The following EDIL3 variants were observed in gnomAD, a reference collection of about 807,000 sequenced individuals.
EDIL3 encodes EGF-like repeat and discoidin I-like domain-containing protein 3.
Under a neutral mutation model 67.4 loss-of-function variants are expected in EDIL3, and 37 were observed. The observed-to-expected ratio is 0.55, with a 90% CI of 0.42 to 0.72. The LOEUF (loss-of-function observed/expected upper bound fraction) is 0.72. EDIL3 is among the 30% of genes least tolerant of loss of function. The pLI is 0.00. For missense variants in EDIL3, 527 were observed against 586.3 expected (o/e 0.90, Z 1.04); for synonymous variants, 195 against 196.3 (o/e 0.99, Z 0.05).
chr5:83,998,129 C>A (rs981318200), intron 9 of EDIL3, among the ~76,000 whole-genome samples: 1 of 152,304 alleles, frequency 6.6e-6, no homozygotes, highest in East Asian at 1.9e-4. Context: ...ATGGGGCACA[C>A]ACGGCCCAGT....
At chr5:84,272,177 C>G (rs1192194575) in intron 1 of EDIL3, among the ~76,000 whole-genome samples, 1 of 151,976 alleles carries the variant, frequency 6.6e-6, no homozygotes, top group East Asian at 1.9e-4. Flanking sequence ...ATTTTTGAAT[C>G]TAAACATAGT....
intron 2 of EDIL3, among the ~76,000 whole-genome samples, chr5:84,231,370 T>C (rs1466701723): frequency 6.6e-6 from 1 of 152,246 alleles, no homozygotes; most frequent in Admixed American, 6.5e-5. Context: ...ATTTCTGCTC[T>C]GTACAGAACT....
intron 5 of EDIL3, among the ~76,000 whole-genome samples, chr5:84,122,027 A>G (rs953402468): frequency 2.6e-5 from 4 of 151,950 alleles, no homozygotes; most frequent in Admixed American, 2.6e-4. Flanking sequence ...AGGCAAACAT[A>G]ACAGACAGTA....
intron 6 of EDIL3, among the ~76,000 whole-genome samples, chr5:84,091,702 C>T (rs949538062): frequency 3.9e-5 from 6 of 152,170 alleles, no homozygotes; most frequent in Non-Finnish European, 8.8e-5. Flanking sequence ...GAAGAGACAA[C>T]GAAACCTTTA....
At chr5:84,053,624 A>T (rs1746383656) in intron 9 of EDIL3, among the ~76,000 whole-genome samples, 2 of 152,206 alleles carry the variant, frequency 1.3e-5, no homozygotes, top group Non-Finnish European at 2.9e-5. Flanking sequence ...GATAAAGGGG[A>T]TATCACCACT....
intron 3 of EDIL3, among the ~76,000 whole-genome samples, chr5:84,216,539 A>G (rs1580381820): frequency 6.6e-6 from 1 of 152,306 alleles, no homozygotes; most frequent in African/African-American, 2.4e-5. Flanking sequence ...TTGAACTTGA[A>G]TCCTGATTCT....
At chr5:84,072,527 T>G (rs1441210611) in intron 6 of EDIL3, among the ~76,000 whole-genome samples, 1 of 152,158 alleles carries the variant, frequency 6.6e-6, no homozygotes, top group Non-Finnish European at 1.5e-5. Context: ...TTTCATGTGA[T>G]AGTGTAATGA....
intron 3 of EDIL3, among the ~76,000 whole-genome samples, chr5:84,206,620 T>G (rs1298905711): frequency 3.9e-5 from 6 of 152,122 alleles, no homozygotes; most frequent in Non-Finnish European, 2.9e-5. Flanking sequence ...CCAATATCCT[T>G]GATGAACATT....
chr5:84,214,209 T>A (rs574294257), intron 3 of EDIL3, among the ~76,000 whole-genome samples: 16 of 152,332 alleles, frequency 1.1e-4, no homozygotes, highest in African/African-American at 3.8e-4. Context: ...TTTCTTCTAC[T>A]GCAACAAAAA....
intron 6 of EDIL3, among the ~76,000 whole-genome samples, chr5:84,070,401 C>T (rs1734160737): frequency 6.6e-6 from 1 of 152,170 alleles, no homozygotes; most frequent in African/African-American, 2.4e-5. Flanking sequence ...TCAGAGCCCA[C>T]GCTCCCAATG....
chr5:84,203,379 C>A (rs1385294906), intron 3 of EDIL3, among the ~76,000 whole-genome samples: 1 of 152,048 alleles, frequency 6.6e-6, no homozygotes, highest in Non-Finnish European at 1.5e-5. Flanking sequence ...TAAAAAAAGT[C>A]TCCAGCAAAG....
intron 9 of EDIL3, among the ~76,000 whole-genome samples, chr5:84,028,337 A>C (rs1314396796): frequency 6.6e-6 from 1 of 152,092 alleles, no homozygotes; most frequent in Non-Finnish European, 1.5e-5. Context: ...AAATCTAACC[A>C]TGTCACCCTT....
intron 4 of EDIL3, among the ~76,000 whole-genome samples, chr5:84,146,491 G>T (rs979743609): frequency 1.3e-5 from 2 of 152,084 alleles, no homozygotes; most frequent in African/African-American, 4.8e-5. Context: ...CATAGTCCTT[G>T]TTCTCAAAAC....
At chr5:84,218,078 T>C (rs1744267918) in intron 3 of EDIL3, among the ~76,000 whole-genome samples, 1 of 152,190 alleles carries the variant, frequency 6.6e-6, no homozygotes, top group Admixed American at 6.5e-5. Context: ...TTCAACATTA[T>C]AACAGAAGTT....
At chr5:84,051,811 A>G (rs1341433121) in intron 9 of EDIL3, among the ~76,000 whole-genome samples, 1 of 152,256 alleles carries the variant, frequency 6.6e-6, no homozygotes, top group Non-Finnish European at 1.5e-5. Context: ...GGACTATGTG[A>G]AAAGACCAAA....
At chr5:84,194,776 T>C (rs1352035583) in intron 3 of EDIL3, among the ~76,000 whole-genome samples, 2 of 151,940 alleles carry the variant, frequency 1.3e-5, no homozygotes, top group African/African-American at 2.4e-5. Context: ...GCAACTTCAC[T>C]ACATTTCCTA....
At chr5:84,303,606 A>G (rs1474317578) in intron 1 of EDIL3, among the ~76,000 whole-genome samples, 1 of 152,222 alleles carries the variant, frequency 6.6e-6, no homozygotes, top group Non-Finnish European at 1.5e-5. Flanking sequence ...ATGTGGGCAT[A>G]TAGAAAACAG....
intron 9 of EDIL3, among the ~76,000 whole-genome samples, chr5:84,016,892 A>G (rs1745616364): frequency 6.6e-6 from 1 of 152,210 alleles, no homozygotes; most frequent in South Asian, 2.1e-4. Context: ...CACAGATGGC[A>G]GGCCCTGTGG....
intron 6 of EDIL3, among the ~76,000 whole-genome samples, chr5:84,092,256 T>C (rs1423123042): frequency 6.6e-6 from 1 of 152,202 alleles, no homozygotes; most frequent in Non-Finnish European, 1.5e-5. Context: ...CATTTCACTG[T>C]ACCATATCAT....
Sources: allele counts gnomAD v4.1 joint callset (sites outside exome capture counted in the v4.1 genomes callset), GRCh38; gene constraint gnomAD v4.1.1; transcripts MANE v1.5; gene names NCBI Gene and HGNC (gene_info 2026-07-23, HGNC 2026-07-21).